The following PRDX6 variants were observed in gnomAD, a reference collection of about 807,000 sequenced individuals.
PRDX6 encodes the protein peroxiredoxin 6.
A neutral mutation model predicts 20.0 loss-of-function variants in PRDX6; 13 were observed. The ratio of observed to expected loss-of-function variants is 0.65; its 90% confidence interval spans 0.42 to 1.03. The LOEUF (loss-of-function observed/expected upper bound fraction) is 1.03. Ranked by LOEUF, PRDX6 falls within the 50% of genes least tolerant of loss-of-function variation. The probability of loss-of-function intolerance (pLI) is 0.00; values close to 1 mark genes in which losing one functional copy is unlikely to be tolerated. For missense variants in PRDX6, 203 were observed against 276.9 expected (o/e 0.73, Z 1.89); for synonymous variants, 85 against 100.8 (o/e 0.84, Z 0.94).
At position 173,488,152 on chromosome 1, in the gene PRDX6, A is replaced by C; in HGVS notation, c.*289A>C. Reference sequence around the variant, plus strand: ...TGGATCTCTGCAGGGCTTGTGACCAATGAAGTCATATTTGTTGATGGTTGA... The same window carrying C: ...TGGATCTCTGCAGGGCTTGTGACCACTGAAGTCATATTTGTTGATGGTTGA... On this transcript the variant is annotated 3_prime_UTR_variant, in exon 5 of 5. Transcript: ENST00000340385. 3.8e-6 allele frequency: 1 copy of C among 259,958 alleles called. No homozygotes were observed. Among genetic ancestry groups the C allele is most frequent in the Non-Finnish European group, 7.3e-6 (1 of 137,064 alleles). The allele number at this position is 259,958 out of a possible 1,614,324, so 16.1% of individuals were successfully genotyped here.
intron 2 of PRDX6, among the ~76,000 whole-genome samples, chr1:173,485,103 T>C (rs1658874899): frequency 2.6e-5 from 4 of 152,342 alleles, no homozygotes; most frequent in East Asian, 1.9e-4. Context: ...AGTAAAAGCA[T>C]GCTGAATTTA....
rs529302215 is a variant in PRDX6 at position 173,486,377 on chromosome 1, G to C, written c.522G>C (p.Arg174Ser). The change falls in exon 4 of 5, where the codon AGG (arginine) becomes AGC (serine). Residue 174 changes from arginine to serine, a missense_variant. By Grantham distance (110) the Arg-to-Ser change is moderately radical (BLOSUM62 -1). Transcript: ENST00000340385. ...VISLQLTAEKRVATPVDWKDG... is the reference protein window; with the variant it reads ...VISLQLTAEKSVATPVDWKDG... ...CTCTCCAGCTGACAGCAGAAAAAAG[G>C]GTTGCCACCCCAGTTGATTGGAAGG... The C allele has an allele frequency of 3.5e-5, 56 of 1,610,086 alleles. 1 individual carries two copies. Among genetic ancestry groups the C allele is most frequent in the East Asian group, 3.1e-4 (14 of 44,640 alleles).
chr1:173,477,931 C>G (rs1247054733), intron 1 of PRDX6, among the ~76,000 whole-genome samples: 1 of 152,208 alleles, frequency 6.6e-6, no homozygotes, highest in African/African-American at 2.4e-5. Flanking sequence ...CTTCCCCGGA[C>G]TAGTGCCCAG....
chr1:173,477,356 G>A lies in PRDX6; in HGVS notation c.-42G>A, dbSNP rs778049640. 1.5e-6 allele frequency: 2 copies of A among 1,342,072 alleles called. No individual in the cohort carries two copies. The highest frequency in any genetic ancestry group is 1.5e-5 in the African/African-American group (1 of 64,868). 83.1% of individuals were successfully genotyped at this position (1,342,072 alleles called of 1,614,324 possible). A position where few individuals can be genotyped will look rare whatever the true frequency, so the allele number is the denominator to read the frequency against. ...GGCTGCTTCTTCGCCAGAACCAACC[G>A]GTTGCTTGCTGTCCCAGCGGCGCCC... is the stretch of plus-strand genomic sequence containing the variant. On this transcript the variant is annotated 5_prime_UTR_variant, in exon 1 of 5. Coordinates refer to ENST00000340385, the MANE Select transcript of PRDX6 (RefSeq NM_004905.3).
rs1010306910 is a variant in PRDX6, at chr1:173,488,553, A to C, written c.*690A>C. ...GTGATAAGTTTCTATCAAAATGGGG[A>C]GATTGCAGAAAAGGCTTCCCTTGGC... On this transcript the variant is annotated 3_prime_UTR_variant, in exon 5 of 5. Coordinates refer to ENST00000340385, the MANE Select transcript of PRDX6 (RefSeq NM_004905.3). 2 of 152,226 alleles carry C rather than the reference A, an allele frequency of 1.3e-5. No homozygotes were observed. The highest frequency in any genetic ancestry group is 2.9e-5 in the Non-Finnish European group (2 of 68,052). 9.4% of individuals were successfully genotyped at this position (152,226 alleles called of 1,614,324 possible).
chr1:173,482,300 C>CT (rs776731382), intron 2 of PRDX6, among the ~76,000 whole-genome samples: 2 of 152,216 alleles, frequency 1.3e-5, no homozygotes, highest in Non-Finnish European at 2.9e-5. Context: ...TCCTCATTAT[C>CT]TAAAATTATA....
At chr1:173,477,831 G>C (rs1376020900) in intron 1 of PRDX6, among the ~76,000 whole-genome samples, 1 of 152,260 alleles carries the variant, frequency 6.6e-6, no homozygotes, top group East Asian at 1.9e-4. Flanking sequence ...GCCCGCGGGA[G>C]GGTTTGTTGT....
chr1:173,479,558 A>G (rs1336891014), intron 1 of PRDX6, among the ~76,000 whole-genome samples: 1 of 152,248 alleles, frequency 6.6e-6, no homozygotes, highest in African/African-American at 2.4e-5. Flanking sequence ...TTTAAGTGGT[A>G]GAAGCAGCTT....
intron 2 of PRDX6, among the ~76,000 whole-genome samples, chr1:173,485,096 A>G (rs1210833904): frequency 6.6e-6 from 1 of 152,222 alleles, no homozygotes; most frequent in Non-Finnish European, 1.5e-5. Flanking sequence ...TCATAGCAGT[A>G]AAAGCATGCT....
intron 4 of PRDX6, among the ~76,000 whole-genome samples, chr1:173,487,155 T>C (rs1388122337): frequency 6.6e-6 from 1 of 152,158 alleles, no homozygotes; most frequent in Non-Finnish European, 1.5e-5. Flanking sequence ...TAACAGGTGC[T>C]ACAGGGAAGA....
In PRDX6 at chr1:173,488,708, G is replaced by T. The variant is rs1658945728; in HGVS notation, c.*845G>T. The T allele has an allele frequency of 6.6e-6, 1 of 152,202 alleles. No individual in the cohort carries two copies. Among genetic ancestry groups the T allele is most frequent in the South Asian group, 2.1e-4 (1 of 4,830 alleles). 9.4% of individuals were successfully genotyped at this position (152,202 alleles called of 1,614,324 possible). On this transcript the variant is annotated 3_prime_UTR_variant, in exon 5 of 5. Transcript: ENST00000340385. ...ACACCATGTGAAGAGAAGAGAGAAT[G>T]ATTGAAAATGTTTTAGTATAGAACT...
rs1658940187 is a variant in PRDX6, at chr1:173,488,464, C to T, written c.*601C>T. The T allele has an allele frequency of 6.6e-6, 1 of 152,084 alleles. No individual in the cohort carries two copies. The highest frequency in any genetic ancestry group is 6.6e-5 in the Admixed American group (1 of 15,258). 9.4% of individuals were successfully genotyped at this position (152,084 alleles called of 1,614,324 possible). A position where few individuals can be genotyped will look rare whatever the true frequency, so the allele number is the denominator to read the frequency against. ...GAAAAAAAGCTTTTTAATTCTATAC[C>T]TTCCTAGTAGATAAGTGAAGAGCAG... is the stretch of plus-strand genomic sequence containing the variant. On this transcript the variant is annotated 3_prime_UTR_variant, in exon 5 of 5. Transcript: ENST00000340385.
At chr1:173,478,924 T>C (rs1658754890) in intron 1 of PRDX6, among the ~76,000 whole-genome samples, 1 of 152,166 alleles carries the variant, frequency 6.6e-6, no homozygotes. Flanking sequence ...ACTTTAGAAA[T>C]ACAGCTTATG....
rs562864224 is a variant in PRDX6 at position 173,482,927 on chromosome 1, C to G, written c.252+1445C>G. ...CACTCAGAGAGTTGGAGGGACTTGC[C>G]CAAGACTGCCCAATGGCAATGAGAT... is the stretch of plus-strand genomic sequence containing the variant. On this transcript the variant is annotated intron_variant, in intron 2 of 4. Coordinates refer to ENST00000340385, the MANE Select transcript of PRDX6 (RefSeq NM_004905.3). Among the ~76,000 whole-genome samples, 118 of 152,156 alleles carry G rather than the reference C, an allele frequency of 7.8e-4. 1 individual carries two copies. In the South Asian group the frequency reaches 0.024, roughly 31 times the overall value.
chr1:173,485,186 C>T (rs1658876471), intron 2 of PRDX6, among the ~76,000 whole-genome samples, 175 bp from the exon 3 acceptor site: 1 of 152,088 alleles, frequency 6.6e-6, no homozygotes, highest in African/African-American at 2.4e-5. Context: ...TTATTCCTGG[C>T]AATAATTGGA....
At chr1:173,478,497 T>C (rs1571394841) in intron 1 of PRDX6, among the ~76,000 whole-genome samples, 1 of 151,782 alleles carries the variant, frequency 6.6e-6, no homozygotes, top group Admixed American at 6.6e-5. Flanking sequence ...TGGATAGGAG[T>C]AGTAAATCGG....
At chr1:173,486,022 T>A (rs1167930289) in intron 3 of PRDX6, among the ~76,000 whole-genome samples, 1 of 152,234 alleles carries the variant, frequency 6.6e-6, no homozygotes, top group Admixed American at 6.5e-5. Flanking sequence ...CAGTTTTTCT[T>A]ACTGGGAAAG....
At chr1:173,486,163 C>T (rs1364592844) in intron 3 of PRDX6, 92 bp from the exon 4 acceptor site, 1 of 1,160,872 alleles carries the variant, frequency 8.6e-7, no homozygotes, top group Non-Finnish European at 1.2e-6. Flanking sequence ...GTTTTTATAC[C>T]CTTGAACATT....
chr1:173,477,642 C>T (rs1005267307), intron 1 of PRDX6, 150 bp downstream of exon 1: 6 of 664,394 alleles, frequency 9.0e-6, no homozygotes, highest in Non-Finnish European at 2.5e-6. Context: ...GCGCGCCAGG[C>T]CGTGTGGCCT....
Sources: gnomAD v4.1 joint callset for allele counts (sites outside exome capture counted in the v4.1 genomes callset) on GRCh38, gnomAD v4.1.1 for gene constraint, MANE v1.5 for transcripts, NCBI Gene and HGNC (gene_info 2026-07-23, HGNC 2026-07-21) for gene names.